The following SLC19A1 variants were observed in gnomAD, a reference collection of about 807,000 sequenced individuals.
SLC19A1 encodes the protein solute carrier family 19 member 1, also known as reduced folate transporter.
Under a neutral mutation model 35.3 loss-of-function variants are expected in SLC19A1, and 37 were observed. That is an observed-to-expected ratio of 1.05 (90% CI 0.81 to 1.38). The LOEUF is 1.38. Among genes scored for constraint, SLC19A1 ranks in the 40% most tolerant of loss-of-function variants. The probability of loss-of-function intolerance (pLI) is 0.00; values close to 1 mark genes in which losing one functional copy is unlikely to be tolerated. For synonymous variants in SLC19A1, 460 were observed against 398.5 expected (o/e 1.15, Z -1.84); for missense variants, 831 against 826.9 (o/e 1.00, Z -0.06).
At chr21:45,511,086 C>T (rs1325776974), downstream of SLC19A1, 353 of 1,151,830 alleles carry the variant, frequency 3.1e-4, 5 homozygotes, top group African/African-American at 5.7e-3. Flanking sequence ...ACACCACACA[C>T]ACATACACAC....
intron 3 of SLC19A1, chr21:45,507,194 G>C: frequency 4.0e-6 from 1 of 252,098 alleles, no homozygotes; most frequent in Non-Finnish European, 7.3e-6. Context: ...TGCTGGGCAG[G>C]GAGGGCACCC....
chr21:45,538,758 C>T (rs1185563854), intron 1 of SLC19A1, among the ~76,000 whole-genome samples: 2 of 152,186 alleles, frequency 1.3e-5, no homozygotes, highest in Non-Finnish European at 1.5e-5. Flanking sequence ...CGGCAGGTTA[C>T]CCTAGACGAA....
intron 1 of SLC19A1, among the ~76,000 whole-genome samples, chr21:45,554,723 C>A (rs938291578): frequency 2.0e-5 from 3 of 151,084 alleles, no homozygotes; most frequent in African/African-American, 7.3e-5. Flanking sequence ...TTGGACATCT[C>A]CTTCCGCTTG....
chr21:45,513,706 G>A lies in SLC19A1; in HGVS notation c.*1952C>T, dbSNP rs943004873. 1.3e-5 allele frequency: 2 copies of A among 152,234 alleles called. No individual in the cohort carries two copies. Among genetic ancestry groups the A allele is most frequent in the African/African-American group, 4.8e-5 (2 of 41,456 alleles). The allele number at this position is 152,234 out of a possible 1,614,324, so 9.4% of individuals were successfully genotyped here. On this transcript the variant is annotated 3_prime_UTR_variant, in exon 6 of 6. Coordinates refer to ENST00000311124, the MANE Select transcript of SLC19A1 (RefSeq NM_194255.4). ...CCAATTCAGACAGGCAAATAAAAGT[G>A]ACCTTTTACACTGACTCTTGGTTTG...
intron 1 of SLC19A1, 131 bp from the exon 2 acceptor site, chr21:45,538,139 C>A: frequency 1.9e-6 from 1 of 520,942 alleles, no homozygotes; most frequent in Non-Finnish European, 3.3e-6. Context: ...AATGCAGACC[C>A]CAGACCCATC....
intron 5 of SLC19A1, among the ~76,000 whole-genome samples, chr21:45,522,043 C>T (rs1441577891): frequency 6.6e-6 from 1 of 151,874 alleles, no homozygotes; most frequent in African/African-American, 2.4e-5. Context: ...AAACAACCAG[C>T]TACAGAGTTG....
upstream of SLC19A1, among the ~76,000 whole-genome samples, chr21:45,547,399 G>A (rs942861013): frequency 3.3e-5 from 5 of 152,112 alleles, no homozygotes; most frequent in African/African-American, 4.8e-5. Context: ...ATGGATACTC[G>A]TCATTATACC....
At chr21:45,504,373 T>TA (rs1389329286) in intron 3 of SLC19A1, 1 of 1,592,802 alleles carries the variant, frequency 6.3e-7, no homozygotes, top group African/African-American at 1.3e-5. Flanking sequence ...CTGTGGCTTG[T>TA]AGGGGTTCAG....
At chr21:45,504,473 G>T in intron 3 of SLC19A1, 1 of 1,608,464 alleles carries the variant, frequency 6.2e-7, no homozygotes, top group Non-Finnish European at 8.5e-7. Context: ...GGAGCCCGGG[G>T]GCGGCGGTTT....
At chr21:45,561,871 G>A (rs138629194) in intron 1 of SLC19A1, among the ~76,000 whole-genome samples, 1,984 of 152,042 alleles carry the variant, frequency 0.013, 36 homozygotes, top group African/African-American at 0.045. Flanking sequence ...AGTGGCTCAC[G>A]CCTGTAATCC....
At chr21:45,508,659 G>GGGCT (rs930504819), downstream of SLC19A1, among the ~76,000 whole-genome samples, 4 of 152,206 alleles carry the variant, frequency 2.6e-5, no homozygotes, top group Non-Finnish European at 5.9e-5. Flanking sequence ...GCAGTGTCAG[G>GGGCT]GGCTCCACAG....
At chr21:45,510,425 C>T (rs2037511616), downstream of SLC19A1, among the ~76,000 whole-genome samples, 1 of 152,176 alleles carries the variant, frequency 6.6e-6, no homozygotes, top group Admixed American at 6.5e-5. Flanking sequence ...TGGGTCACAC[C>T]CCTCCAGGCT....
intron 2 of SLC19A1, among the ~76,000 whole-genome samples, chr21:45,535,536 G>T (rs77881597): frequency 6.6e-6 from 1 of 152,172 alleles, no homozygotes; most frequent in African/African-American, 2.4e-5. Flanking sequence ...TCCTCACAGC[G>T]GCCAGACGGC....
chr21:45,511,013 ACACATCCAC>A, downstream of SLC19A1: 1 of 178,726 alleles, frequency 5.6e-6, no homozygotes, highest in Non-Finnish European at 1.2e-5. Context: ...CCCCCCCCCC[ACACATCCAC>A]ACCCCACATC....
chr21:45,560,547 G>C (rs904176321), intron 1 of SLC19A1, among the ~76,000 whole-genome samples: 1 of 142,688 alleles, frequency 7.0e-6, no homozygotes, highest in Non-Finnish European at 1.5e-5. Context: ...ATGGTAGGAA[G>C]CGAAATCAGA....
At chr21:45,537,668 C>T in intron 2 of SLC19A1, 103 bp downstream of exon 2, 1 of 1,132,112 alleles carries the variant, frequency 8.8e-7, no homozygotes. Flanking sequence ...TGCCCACCCA[C>T]TGGCGGCCGC....
chr21:45,559,042 C>T (rs893612878), intron 1 of SLC19A1, among the ~76,000 whole-genome samples: 4 of 152,144 alleles, frequency 2.6e-5, no homozygotes, highest in African/African-American at 4.8e-5. Context: ...CTCTTGACCT[C>T]GTGATCCATC....
chr21:45,512,466 A>T (rs1375205629), downstream of SLC19A1: 2 of 1,506,116 alleles, frequency 1.3e-6, no homozygotes, highest in Middle Eastern at 2.0e-4. Context: ...GTGGGCAGGG[A>T]GCGGCCGGCC....
At chr21:45,536,901 A>G (rs2146415931) in intron 2 of SLC19A1, among the ~76,000 whole-genome samples, 1 of 152,218 alleles carries the variant, frequency 6.6e-6, no homozygotes, top group South Asian at 2.1e-4. Context: ...TGCCTTATGG[A>G]CAAGGACCCC....
Sources: allele counts gnomAD v4.1 joint callset (sites outside exome capture counted in the v4.1 genomes callset), GRCh38; gene constraint gnomAD v4.1.1; transcripts MANE v1.5; gene names NCBI Gene and HGNC (gene_info 2026-07-23, HGNC 2026-07-21).